Variants in TRIM44 observed in about 807,000 individuals in gnomAD.
The protein encoded by TRIM44 is tripartite motif containing 44, also known as tripartite motif-containing protein 44.
TRIM44 carries 13 observed loss-of-function variants against 37.4 expected under a neutral mutation model. The observed-to-expected ratio is 0.35, with a 90% CI of 0.23 to 0.55. TRIM44 has a LOEUF of 0.55. Ranked by LOEUF, TRIM44 falls within the 20% of genes least tolerant of loss-of-function variation. The probability of loss-of-function intolerance (pLI) is 0.89; values close to 1 mark genes in which losing one functional copy is unlikely to be tolerated. For missense variants in TRIM44, 426 were observed against 437.2 expected, an observed-to-expected ratio of 0.97 and a Z score of 0.23; for synonymous variants, 175 against 157.2, an observed-to-expected ratio of 1.11 and a Z score of -0.85.
intron 4 of TRIM44, among the ~76,000 whole-genome samples, chr11:35,759,164 C>T (rs1852689220): frequency 6.6e-6 from 1 of 152,242 alleles, no homozygotes; most frequent in Non-Finnish European, 1.5e-5. Context: ...GGTCTTTTCA[C>T]ATAGTCCCAT....
intron 4 of TRIM44, among the ~76,000 whole-genome samples, chr11:35,762,395 G>A (rs1020286639): frequency 2.7e-4 from 41 of 152,092 alleles, no homozygotes; most frequent in Non-Finnish European, 5.6e-4. Context: ...CTTTGCCTCT[G>A]GAGCTCTGAG....
chr11:35,717,171 T>C lies in TRIM44; in HGVS notation c.748-8753T>C, dbSNP rs1292938397. 2.6e-5 allele frequency among the ~76,000 whole-genome samples: 4 copies of C among 152,296 alleles called. 1 individual carries two copies. The South Asian group carries it at 6.2e-4, about 24-fold the overall frequency. ...GGAGCCATCCTTATGGAGGTAGTAG[T>C]TGAATTTCCAAAGATGGAATGAAAT... On this transcript the variant is annotated intron_variant, in intron 2 of 4. Coordinates refer to ENST00000299413, the MANE Select transcript of TRIM44 (RefSeq NM_017583.6).
intron 2 of TRIM44, among the ~76,000 whole-genome samples, chr11:35,725,093 CA>C (rs1852157011): frequency 6.6e-6 from 1 of 151,866 alleles, no homozygotes; most frequent in African/African-American, 2.4e-5. Context: ...CACACACACA[CA>C]CACACACACA....
chr11:35,757,180 G>C (rs1403966158), intron 4 of TRIM44, among the ~76,000 whole-genome samples: 1 of 152,160 alleles, frequency 6.6e-6, no homozygotes, highest in African/African-American at 2.4e-5. Context: ...CAATTTTAGA[G>C]CTTGTTATTG....
chr11:35,801,119 C>CT (rs1311791446), intron 4 of TRIM44, among the ~76,000 whole-genome samples: 2 of 152,194 alleles, frequency 1.3e-5, no homozygotes, highest in African/African-American at 4.8e-5. Context: ...AGAAAGGTCC[C>CT]TGGATCCGAG....
At chr11:35,762,561 C>A (rs1046683825) in intron 4 of TRIM44, among the ~76,000 whole-genome samples, 1 of 152,026 alleles carries the variant, frequency 6.6e-6, no homozygotes, top group African/African-American at 2.4e-5. Flanking sequence ...AATCCTTGCC[C>A]CCAAGTTGCT....
At chr11:35,665,922 C>G (rs548418812) in intron 1 of TRIM44, among the ~76,000 whole-genome samples, 1 of 151,418 alleles carries the variant, frequency 6.6e-6, no homozygotes, top group African/African-American at 2.4e-5. Flanking sequence ...GTTGTTCTTT[C>G]TATGTGGGTT....
At position 35,767,087 on chromosome 11, in the gene TRIM44, T is replaced by C. The variant is rs572805574; in HGVS notation, c.1007+31642T>C. Reference sequence around the variant, plus strand: ...CTGGCTCTCAGACTGTCATCAAGCATGTGAAGTTCCTTGAATGAAAGACGT... The same window carrying C: ...CTGGCTCTCAGACTGTCATCAAGCACGTGAAGTTCCTTGAATGAAAGACGT... On this transcript the variant is annotated intron_variant, in intron 4 of 4. Coordinates refer to ENST00000299413, the MANE Select transcript of TRIM44 (RefSeq NM_017583.6). Among the ~76,000 whole-genome samples the C allele has an allele frequency of 3.3e-5, 5 of 152,314 alleles. No individual in the cohort carries two copies. The East Asian group carries it at 7.7e-4, about 23-fold the overall frequency.
At chr11:35,718,397 A>G (rs1397690781) in intron 2 of TRIM44, among the ~76,000 whole-genome samples, 1 of 152,206 alleles carries the variant, frequency 6.6e-6, no homozygotes, top group African/African-American at 2.4e-5. Context: ...TGGCACCAAC[A>G]TAATATTAAC....
At chr11:35,723,463 A>C (rs1261206549) in intron 2 of TRIM44, among the ~76,000 whole-genome samples, 1 of 152,228 alleles carries the variant, frequency 6.6e-6, no homozygotes, top group Non-Finnish European at 1.5e-5. Flanking sequence ...CTTAGGTTGG[A>C]AAATGCTTAT....
chr11:35,769,005 CT>C (rs1852831906), intron 4 of TRIM44, among the ~76,000 whole-genome samples: 1 of 152,168 alleles, frequency 6.6e-6, no homozygotes, highest in East Asian at 1.9e-4. Flanking sequence ...GTTTAAGCTT[CT>C]TTTCAAAATT....
chr11:35,708,925 A>G (rs1025227109), intron 2 of TRIM44, among the ~76,000 whole-genome samples: 3 of 151,870 alleles, frequency 2.0e-5, no homozygotes, highest in Admixed American at 1.3e-4. Context: ...AATAAAAAAT[A>G]AATAAAAAAT....
chr11:35,769,270 G>A lies in TRIM44; in HGVS notation c.1007+33825G>A, dbSNP rs142388725. ...CCGTCTGTGATCACTCACATCTTTT[G>A]TACTCTGTACAGCTTTGTGTCTTGG... On this transcript the variant is annotated intron_variant, in intron 4 of 4. Transcript: ENST00000299413. 1.2e-3 allele frequency among the ~76,000 whole-genome samples: 186 copies of A among 152,228 alleles called. 5 individuals carry two copies. Among genetic ancestry groups the A allele is most frequent in the African/African-American group, 4.4e-3 (183 of 41,536 alleles).
intron 4 of TRIM44, among the ~76,000 whole-genome samples, chr11:35,763,290 A>G (rs755759927): frequency 2.2e-4 from 33 of 152,124 alleles, no homozygotes; most frequent in Admixed American, 3.3e-4. Context: ...TTAGAACATT[A>G]TTGCAGTGAT....
At position 35,809,264 on chromosome 11, in the gene TRIM44, A is replaced by G. The variant is rs1853498287; in HGVS notation, c.*2879A>G. ...AAGAGTCATTTGCTTCAAGTTATACAGCTAGGAAATACTCAAGCCAAATCT... is the reference window on the plus strand; with the variant it reads ...AAGAGTCATTTGCTTCAAGTTATACGGCTAGGAAATACTCAAGCCAAATCT... On this transcript the variant is annotated 3_prime_UTR_variant, in exon 5 of 5. Coordinates refer to ENST00000299413, the MANE Select transcript of TRIM44 (RefSeq NM_017583.6). 1 of 152,222 alleles carries G rather than the reference A, an allele frequency of 6.6e-6. No individual in the cohort carries two copies. Among genetic ancestry groups the G allele is most frequent in the South Asian group, 2.1e-4 (1 of 4,832 alleles). The allele number at this position is 152,222 out of a possible 1,614,324, so 9.4% of individuals were successfully genotyped here.
At chr11:35,693,608 C>G (rs1036760467) in intron 2 of TRIM44, among the ~76,000 whole-genome samples, 3 of 152,072 alleles carry the variant, frequency 2.0e-5, no homozygotes, top group Non-Finnish European at 4.4e-5. Context: ...TCTGTTGGGG[C>G]CTAGTACATG....
At chr11:35,784,702 A>G (rs1031718130) in intron 4 of TRIM44, among the ~76,000 whole-genome samples, 25 of 152,248 alleles carry the variant, frequency 1.6e-4, no homozygotes, top group Non-Finnish European at 4.4e-5. Flanking sequence ...CTCTAACACA[A>G]AAGGGCAAGA....
In TRIM44 at chr11:35,766,703, G is replaced by C. The variant is rs188774599; in HGVS notation, c.1007+31258G>C. 1.3e-3 allele frequency among the ~76,000 whole-genome samples: 203 copies of C among 152,284 alleles called. No individual in the cohort carries two copies. The Middle Eastern group carries it at 0.017, about 13-fold the overall frequency. ...GATATATGAGAAAAACCAAGAATTT[G>C]GAGTCACTGGATTTATTAGTTCCAT... On this transcript the variant is annotated intron_variant, in intron 4 of 4. Transcript: ENST00000299413.
rs144607373 is a variant in TRIM44, at chr11:35,685,290, T to C, written c.701T>C (p.Met234Thr). 2 of 1,614,238 alleles carry C rather than the reference T, an allele frequency of 1.2e-6. No individual in the cohort carries two copies. Among genetic ancestry groups the C allele is most frequent in the East Asian group, 4.5e-5 (2 of 44,884 alleles). Residue 234 changes from methionine to threonine, a missense_variant, in exon 2 of 5, where the codon ATG becomes ACG. By Grantham distance (81) the Met-to-Thr change is moderately conservative. Transcript: ENST00000299413. ...GACTCAGGTGGACTGAAGGCCGCTA[T>C]GATCGAATTGGTGGAAAGGTTGAAG... ...SKDSGGLKAA[M>T]IELVERLKFK...
Sources: gnomAD v4.1 joint callset for allele counts (sites outside exome capture counted in the v4.1 genomes callset) on GRCh38, gnomAD v4.1.1 for gene constraint, MANE v1.5 for transcripts, NCBI Gene and HGNC (gene_info 2026-07-23, HGNC 2026-07-21) for gene names.